The following CHRM3 variants were observed in gnomAD, a reference collection of about 807,000 sequenced individuals.
CHRM3 encodes muscarinic acetylcholine receptor M3.
A neutral mutation model predicts 41.8 loss-of-function variants in CHRM3; 11 were observed. The observed-to-expected ratio is 0.26, with a 90% CI of 0.17 to 0.44. The LOEUF (loss-of-function observed/expected upper bound fraction) is 0.44. Ranked by LOEUF, CHRM3 falls within the 20% of genes least tolerant of loss-of-function variation. The probability of loss-of-function intolerance (pLI) is 1.00; values close to 1 mark genes in which losing one functional copy is unlikely to be tolerated. For synonymous variants in CHRM3, 297 were observed against 301.4 expected, an observed-to-expected ratio of 0.99 and a Z score of 0.15; for missense variants, 571 against 745.4, an observed-to-expected ratio of 0.77 and a Z score of 2.72.
chr1:239,426,853 A>G (rs1016017369), intron 1 of CHRM3, among the ~76,000 whole-genome samples: 1 of 152,218 alleles, frequency 6.6e-6, no homozygotes, highest in African/African-American at 2.4e-5. Context: ...AGAATTATGT[A>G]GGAAGTAAAA....
intron 4 of CHRM3, among the ~76,000 whole-genome samples, chr1:239,646,114 G>A (rs1296822361): frequency 6.6e-6 from 1 of 152,118 alleles, no homozygotes; most frequent in Admixed American, 6.5e-5. Flanking sequence ...CAATGCATGT[G>A]CAATACTCAC....
intron 4 of CHRM3, among the ~76,000 whole-genome samples, chr1:239,660,618 C>T (rs1395293036): frequency 6.6e-6 from 1 of 152,150 alleles, no homozygotes; most frequent in African/African-American, 2.4e-5. Flanking sequence ...CACAGTGGCT[C>T]ATGCGTGTAA....
chr1:239,749,830 G>C (rs1283593628), intron 5 of CHRM3, among the ~76,000 whole-genome samples: 1 of 152,170 alleles, frequency 6.6e-6, no homozygotes, highest in African/African-American at 2.4e-5. Flanking sequence ...TTTAAGTAGG[G>C]TATTCTGACC....
intron 1 of CHRM3, among the ~76,000 whole-genome samples, chr1:239,411,149 A>G (rs1661031054): frequency 6.6e-6 from 1 of 152,186 alleles, no homozygotes; most frequent in South Asian, 2.1e-4. Context: ...AAGGAAGGAA[A>G]GGGAAGAAAT....
chr1:239,549,247 C>T (rs1659580424), intron 3 of CHRM3, among the ~76,000 whole-genome samples: 1 of 152,102 alleles, frequency 6.6e-6, no homozygotes, highest in Admixed American at 6.6e-5. Context: ...AACCATATCA[C>T]CTACTAAACA....
intron 5 of CHRM3, among the ~76,000 whole-genome samples, chr1:239,699,291 G>A (rs1460314419): frequency 2.0e-5 from 3 of 152,074 alleles, no homozygotes; most frequent in Non-Finnish European, 2.9e-5. Context: ...TTTGGAGAGG[G>A]GAGTTTGGGG....
chr1:239,708,863 A>C (rs1034790159), intron 5 of CHRM3, among the ~76,000 whole-genome samples: 13 of 146,012 alleles, frequency 8.9e-5, no homozygotes, highest in African/African-American at 3.3e-4. Flanking sequence ...ACTCTCAGTC[A>C]CCATGATTCA....
At chr1:239,836,727 C>T (rs187816106) in intron 6 of CHRM3, among the ~76,000 whole-genome samples, 33 of 152,248 alleles carry the variant, frequency 2.2e-4, no homozygotes, top group East Asian at 7.7e-4. Flanking sequence ...TCTGTAATCT[C>T]GGCACTTTGG....
intron 6 of CHRM3, among the ~76,000 whole-genome samples, chr1:239,841,429 G>A (rs1412337057): frequency 1.3e-5 from 2 of 152,122 alleles, no homozygotes; most frequent in South Asian, 4.1e-4. Context: ...GTTTCATTGT[G>A]TGCAGATTCG....
At chr1:239,422,414 C>T (rs1662022262) in intron 1 of CHRM3, among the ~76,000 whole-genome samples, 1 of 152,054 alleles carries the variant, frequency 6.6e-6, no homozygotes, top group Admixed American at 6.6e-5. Flanking sequence ...CTTGTTTCCT[C>T]AGAACAAACA....
At chr1:239,522,582 C>T (rs1669726101) in intron 2 of CHRM3, among the ~76,000 whole-genome samples, 1 of 152,204 alleles carries the variant, frequency 6.6e-6, no homozygotes, top group Admixed American at 6.5e-5. Context: ...AGGTAGCAGA[C>T]ACTGGCTTTG....
At chr1:239,568,125 C>T (rs1661520738) in intron 3 of CHRM3, among the ~76,000 whole-genome samples, 1 of 152,134 alleles carries the variant, frequency 6.6e-6, no homozygotes, top group Non-Finnish European at 1.5e-5. Context: ...GGTTCAGTTT[C>T]ATATGGTGGC....
At position 239,914,197 on chromosome 1, in the gene CHRM3, C is replaced by A. The variant is rs1680522556; in HGVS notation, c.*4973C>A. The A allele has an allele frequency of 6.0e-6, 1 of 167,070 alleles. No homozygotes were observed. Among genetic ancestry groups the A allele is most frequent in the South Asian group, 2.1e-4 (1 of 4,822 alleles). The allele number at this position is 167,070 out of a possible 1,614,324, so 10.3% of individuals were successfully genotyped here. Reference sequence around the variant, plus strand: ...CAAAATGCTTAGCAGTTCTGCAGTTCACATACAAAACTCAAAACTCTTTTT... The same window carrying A: ...CAAAATGCTTAGCAGTTCTGCAGTTAACATACAAAACTCAAAACTCTTTTT... On this transcript the variant is annotated 3_prime_UTR_variant, in exon 7 of 7. Coordinates refer to ENST00000676153, the MANE Select transcript of CHRM3 (RefSeq NM_001375978.1).
At chr1:239,844,319 G>T (rs1265579701) in intron 6 of CHRM3, among the ~76,000 whole-genome samples, 2 of 152,126 alleles carry the variant, frequency 1.3e-5, no homozygotes, top group East Asian at 1.9e-4. Flanking sequence ...AAGGTTTAGG[G>T]ATTTGATATT....
At chr1:239,621,292 A>G (rs1668331595) in intron 3 of CHRM3, among the ~76,000 whole-genome samples, 1 of 151,982 alleles carries the variant, frequency 6.6e-6, no homozygotes. Context: ...CTTGCCCTCC[A>G]CCCCATTTCC....
intron 2 of CHRM3, among the ~76,000 whole-genome samples, chr1:239,521,250 G>T (rs1669618866): frequency 6.6e-6 from 1 of 152,182 alleles, no homozygotes; most frequent in South Asian, 2.1e-4. Context: ...AGGCTCTCCA[G>T]TGGTGGACAG....
intron 5 of CHRM3, among the ~76,000 whole-genome samples, chr1:239,689,456 A>AT (rs1166643372): frequency 2.0e-5 from 3 of 152,174 alleles, no homozygotes; most frequent in African/African-American, 7.2e-5. Context: ...TCTCTAAAGT[A>AT]TTTTTTAATA....
chr1:239,389,957 T>G (rs1054811342), intron 1 of CHRM3, among the ~76,000 whole-genome samples: 4 of 152,182 alleles, frequency 2.6e-5, no homozygotes, highest in Non-Finnish European at 4.4e-5. Context: ...CATATGAAGA[T>G]GGAGACTGAT....
intron 6 of CHRM3, among the ~76,000 whole-genome samples, chr1:239,829,647 G>A (rs1249024094): frequency 6.6e-6 from 1 of 152,090 alleles, no homozygotes; most frequent in East Asian, 1.9e-4. Flanking sequence ...TTCAGGTTGG[G>A]GAAGGCTAGG....
Sources: gnomAD v4.1 joint callset for allele counts (sites outside exome capture counted in the v4.1 genomes callset) on GRCh38, gnomAD v4.1.1 for gene constraint, MANE v1.5 for transcripts, NCBI Gene and HGNC (gene_info 2026-07-23, HGNC 2026-07-21) for gene names.